The following PCA3 variants were observed in gnomAD, a reference collection of about 807,000 sequenced individuals.
The protein encoded by PCA3 is Differential Display code 3.
chr9:76,783,117 G>C (rs549251342), intron 2 of PCA3, among the ~76,000 whole-genome samples: 5 of 152,208 alleles, frequency 3.3e-5, no homozygotes, highest in African/African-American at 9.6e-5. Context: ...AACATCAGTT[G>C]TATCTGACTA....
chr9:76,773,362 T>A (rs1302744400), intron 2 of PCA3, among the ~76,000 whole-genome samples: 1 of 151,516 alleles, frequency 6.6e-6, no homozygotes, highest in African/African-American at 2.4e-5. Context: ...TAGCGGACAA[T>A]CTTTTCTTTA....
rs1564277638 is a variant in PCA3 at position 76,776,333 on chromosome 9, C to CGA, written n.853-32250_853-32249insGA. ...CTCTCCGATGTTATTATTTCACTCTCTGTGTCCATGTGTACACACTGTTTA... is the reference window on the plus strand; with the variant it reads ...CTCTCCGATGTTATTATTTCACTCTCGATGTGTCCATGTGTACACACTGTTTA... On this transcript the variant is annotated intron_variant and non_coding_transcript_variant, in intron 2 of 5. Coordinates refer to ENST00000644657, the Ensembl canonical transcript of PCA3. Among the ~76,000 whole-genome samples the CGA allele has an allele frequency of 3.2e-3, 489 of 152,174 alleles. 5 individuals carry two copies. Among genetic ancestry groups the CGA allele is most frequent in the African/African-American group, 0.012 (480 of 41,514 alleles).
At chr9:76,769,704 C>T (rs1190665023) in intron 2 of PCA3, among the ~76,000 whole-genome samples, 1 of 152,138 alleles carries the variant, frequency 6.6e-6, no homozygotes, top group East Asian at 1.9e-4. Context: ...AGATTACAGG[C>T]GTGAAACACT....
At chr9:76,782,498 A>G (rs2054521977) in intron 2 of PCA3, among the ~76,000 whole-genome samples, 1 of 152,226 alleles carries the variant, frequency 6.6e-6, no homozygotes, top group African/African-American at 2.4e-5. Context: ...AGACAACTAC[A>G]GCATCTTCTT....
intron 2 of PCA3, among the ~76,000 whole-genome samples, chr9:76,782,505 T>C (rs1166116719): frequency 6.6e-6 from 1 of 152,352 alleles, no homozygotes; most frequent in East Asian, 1.9e-4. Flanking sequence ...TACAGCATCT[T>C]CTTTACAGAG....
chr9:76,777,759 G>A (rs1420647817), intron 2 of PCA3, among the ~76,000 whole-genome samples: 1 of 152,178 alleles, frequency 6.6e-6, no homozygotes, highest in Non-Finnish European at 1.5e-5. Flanking sequence ...AGAATATCAG[G>A]GGAAAGGGAA....
intron 2 of PCA3, among the ~76,000 whole-genome samples, chr9:76,778,199 T>C (rs2054003921): frequency 6.6e-6 from 1 of 152,230 alleles, no homozygotes; most frequent in Admixed American, 6.5e-5. Flanking sequence ...AAGTCAAGGC[T>C]GAGGAAGACT....
chr9:76,768,155 GCTATACCTTGCC>G (rs1338883416), intron 2 of PCA3, among the ~76,000 whole-genome samples: 1 of 151,840 alleles, frequency 6.6e-6, no homozygotes, highest in Non-Finnish European at 1.5e-5. Context: ...AGAAAGCTTG[GCTATACCTTGCC>G]CTTGAACTAG....
intron 2 of PCA3, among the ~76,000 whole-genome samples, chr9:76,775,566 G>A (rs775687551): frequency 2.0e-5 from 3 of 152,130 alleles, no homozygotes; most frequent in African/African-American, 4.8e-5. Flanking sequence ...CTCCCAAAGT[G>A]TTGGGATTAC....
chr9:76,783,853 C>CCA (rs2054687141), intron 2 of PCA3: 1 of 152,114 alleles, frequency 6.6e-6, no homozygotes, highest in African/African-American at 2.4e-5. Context: ...CTTTAAATAT[C>CCA]CACACACACA....
At chr9:76,781,156 T>G (rs7864683) in intron 2 of PCA3, among the ~76,000 whole-genome samples, 38,162 of 152,100 alleles carry the variant, frequency 0.25, 5,089 homozygotes, top group African/African-American at 0.33. Context: ...TCTCCCATGG[T>G]CTATGAAGGC....
chr9:76,782,239 G>C (rs754542269), intron 2 of PCA3, among the ~76,000 whole-genome samples: 6 of 151,936 alleles, frequency 3.9e-5, no homozygotes, highest in Admixed American at 1.3e-4. Flanking sequence ...AGAAAGCATT[G>C]GGAAAGCCTA....
At chr9:76,787,064 T>C (rs1177201094) in intron 2 of PCA3, 1 of 152,210 alleles carries the variant, frequency 6.6e-6, no homozygotes, top group African/African-American at 2.4e-5. Flanking sequence ...TCCATAGAAT[T>C]TGCTACATTT....
intron 2 of PCA3, among the ~76,000 whole-genome samples, chr9:76,766,546 T>G (rs979362435): frequency 2.0e-5 from 3 of 152,346 alleles, no homozygotes; most frequent in Admixed American, 6.5e-5. Flanking sequence ...AACTGGATCA[T>G]GTTCATGGAT....
At chr9:76,773,438 C>CTTTTTT (rs35078779) in intron 2 of PCA3, among the ~76,000 whole-genome samples, 1 of 107,602 alleles carries the variant, frequency 9.3e-6, no homozygotes, top group Non-Finnish European at 1.8e-5. Flanking sequence ...ACTAGTACAT[C>CTTTTTT]TTTTTTTTTT....
intron 2 of PCA3, among the ~76,000 whole-genome samples, chr9:76,768,177 G>C (rs1167228070): frequency 6.6e-6 from 1 of 151,178 alleles, no homozygotes; most frequent in Non-Finnish European, 1.5e-5. Context: ...CCTTGAACTA[G>C]TACTTCCATG....
chr9:76,779,102 A>G (rs1275611753), intron 2 of PCA3, among the ~76,000 whole-genome samples: 1 of 152,248 alleles, frequency 6.6e-6, no homozygotes, highest in Non-Finnish European at 1.5e-5. Context: ...CTTGAGAAGA[A>G]CAGGTTTCAT....
At chr9:76,775,031 G>A (rs946407758) in intron 2 of PCA3, among the ~76,000 whole-genome samples, 1 of 151,988 alleles carries the variant, frequency 6.6e-6, no homozygotes, top group Non-Finnish European at 1.5e-5. Context: ...TAATCACTCA[G>A]TGAATTATAA....
chr9:76,787,182 C>T (rs545725294), intron 2 of PCA3: 1 of 152,030 alleles, frequency 6.6e-6, no homozygotes, highest in East Asian at 1.9e-4. Flanking sequence ...CTTTTTCTTA[C>T]AGTGTCTTGG....
Sources: allele counts gnomAD v4.1 joint callset (sites outside exome capture counted in the v4.1 genomes callset), GRCh38; gene constraint gnomAD v4.1.1; transcripts MANE v1.5; gene names NCBI Gene and HGNC (gene_info 2026-07-23, HGNC 2026-07-21).